The following PAPOLG variants were observed in gnomAD, a reference collection of about 807,000 sequenced individuals.
PAPOLG encodes PAP-gamma.
PAPOLG carries 40 observed loss-of-function variants against 99.0 expected under a neutral mutation model. That is an observed-to-expected ratio of 0.40 (90% CI 0.31 to 0.53). PAPOLG has a LOEUF of 0.53. Ranked by LOEUF, PAPOLG falls within the 20% of genes least tolerant of loss-of-function variation. The pLI is 0.41. For synonymous variants in PAPOLG, 310 were observed against 299.3 expected (o/e 1.04, Z -0.37); for missense variants, 675 against 884.1 (o/e 0.76, Z 3.00).
chr2:60,782,823 G>A (rs1486976171), intron 12 of PAPOLG, 53 bp downstream of exon 12: 1 of 1,508,076 alleles, frequency 6.6e-7, no homozygotes. Context: ...TTTTAAAGAA[G>A]AATGTTAAAC....
chr2:60,756,415 G>A lies in PAPOLG; in HGVS notation c.-64G>A, dbSNP rs1265932730. The A allele has an allele frequency of 1.2e-6, 2 of 1,611,362 alleles. No homozygotes were observed. Among genetic ancestry groups the A allele is most frequent in the South Asian group, 2.2e-5 (2 of 90,986 alleles). On this transcript the variant is annotated 5_prime_UTR_variant, in exon 1 of 22. Coordinates refer to ENST00000238714, the MANE Select transcript of PAPOLG (RefSeq NM_022894.4). ...CGGAGGAAAGTGAACAGGGGGAGAA[G>A]GGAACAGCAAGAACAGGACTCCAGA...
chr2:60,777,469 T>G (rs1052354971), intron 8 of PAPOLG, among the ~76,000 whole-genome samples: 6 of 152,132 alleles, frequency 3.9e-5, no homozygotes, highest in African/African-American at 1.4e-4. Flanking sequence ...AAAAAATTTT[T>G]TTTTTCTGTC....
At chr2:60,772,622 C>T (rs1670888902) in intron 7 of PAPOLG, among the ~76,000 whole-genome samples, 1 of 152,030 alleles carries the variant, frequency 6.6e-6, no homozygotes, top group African/African-American at 2.4e-5. Flanking sequence ...GTGGTGCTTA[C>T]CTGTAATCCC....
At chr2:60,770,622 CT>C (rs372540738) in intron 6 of PAPOLG, 111 bp downstream of exon 6, 73,006 of 476,526 alleles carry the variant, frequency 0.15, no homozygotes, top group South Asian at 0.23. Context: ...CAAGTAATCT[CT>C]TTTTTTTTTT....
At chr2:60,770,252 G>A (rs12104783) in intron 5 of PAPOLG, among the ~76,000 whole-genome samples, 33,633 of 152,118 alleles carry the variant, frequency 0.22, 4,153 homozygotes, top group African/African-American at 0.3. Context: ...TGTAAGACCA[G>A]AAACATTTTC....
At chr2:60,761,154 G>A (rs1670511852) in intron 2 of PAPOLG, among the ~76,000 whole-genome samples, 1 of 152,116 alleles carries the variant, frequency 6.6e-6, no homozygotes, top group South Asian at 2.1e-4. Context: ...CATTATTTGT[G>A]GAAGACTGAG....
rs1176441808 is a variant in PAPOLG, at chr2:60,771,548, A to T, written c.522A>T (p.Ile174=). 6.2e-7 allele frequency: 1 copy of T among 1,604,894 alleles called. No homozygotes were observed. The highest frequency in any genetic ancestry group is 8.5e-7 in the Non-Finnish European group (1 of 1,177,646). The change falls in exon 7 of 22, where the codon ATA becomes ATT. Residue 174 remains isoleucine, a synonymous_variant. Transcript: ENST00000238714. ...ATCTAGTCTTTGCAAGACTGGCAAT[A>T]CAAACCATATCAGATAATTTAGATC... ...EIDLVFARLA[I]QTISDNLDLR... is the part of the protein sequence containing the mutation.
chr2:60,768,760 A>G, intron 4 of PAPOLG, 21 bp from the exon 5 acceptor site: 1 of 1,515,394 alleles, frequency 6.6e-7, no homozygotes, highest in Non-Finnish European at 8.9e-7. Flanking sequence ...ATTCTTAATT[A>G]AGAACTACTT....
intron 13 of PAPOLG, among the ~76,000 whole-genome samples, chr2:60,785,397 A>G (rs1169065554): frequency 6.6e-6 from 1 of 152,222 alleles, no homozygotes; most frequent in Non-Finnish European, 1.5e-5. Flanking sequence ...TTGGCCTCCC[A>G]GAGTGCTGGG....
intron 21 of PAPOLG, 37 bp from the exon 22 acceptor site, chr2:60,797,025 T>G (rs376253949): frequency 1.1e-5 from 17 of 1,612,114 alleles, no homozygotes; most frequent in Non-Finnish European, 1.4e-5. Context: ...ATATATGATG[T>G]GCTTTTCCTT....
At chr2:60,778,149 TTTCATTTTATTTTTTTAGACAGG>T (rs1438154362) in intron 8 of PAPOLG, among the ~76,000 whole-genome samples, 1 of 151,988 alleles carries the variant, frequency 6.6e-6, no homozygotes, top group Non-Finnish European at 1.5e-5. Context: ...TTATATTTTA[TTTCATTTTATTTTTTTAGACAGG>T]GGCTTGCTGT....
At chr2:60,760,323 T>C (rs1670486372) in intron 2 of PAPOLG, 28 bp downstream of exon 2, 2 of 1,558,902 alleles carry the variant, frequency 1.3e-6, no homozygotes, top group Non-Finnish European at 1.8e-6. Flanking sequence ...ATAAAATATT[T>C]GACAGTGCAT....
At chr2:60,767,326 CT>C (rs1039755347) in intron 3 of PAPOLG, among the ~76,000 whole-genome samples, 338 of 149,912 alleles carry the variant, frequency 2.3e-3, no homozygotes, top group African/African-American at 7.7e-3. Context: ...TGAAAATTAG[CT>C]TTTTTTTCTT....
At position 60,799,416 on chromosome 2, in the gene PAPOLG, G is replaced by A. The variant is rs1393969656; in HGVS notation, c.*2256G>A. 1.3e-5 allele frequency: 2 copies of A among 152,330 alleles called. No individual in the cohort carries two copies. Among genetic ancestry groups the A allele is most frequent in the East Asian group, 1.9e-4 (1 of 5,330 alleles). The allele number at this position is 152,330 out of a possible 1,614,324, so 9.4% of individuals were successfully genotyped here. On this transcript the variant is annotated 3_prime_UTR_variant, in exon 22 of 22. Coordinates refer to ENST00000238714, the MANE Select transcript of PAPOLG (RefSeq NM_022894.4). ...CTTCAACCTGTTTGGTAACTGAGGA[G>A]TTGATAAAATACTTTTGAGATGGTG...
chr2:60,784,206 C>T lies in PAPOLG; in HGVS notation c.1166+997C>T, dbSNP rs559916882. On this transcript the variant is annotated intron_variant, in intron 13 of 21. Transcript: ENST00000238714. ...CAGGCTGGTCTTGAACTCCTCACCT[C>T]GTGATCCACCCGCCTTGGCCTCCCA... Among the ~76,000 whole-genome samples the T allele has an allele frequency of 2.6e-5, 4 of 152,284 alleles. No individual in the cohort carries two copies. In the East Asian group the frequency reaches 5.8e-4, roughly 22 times the overall value.
In PAPOLG at chr2:60,782,025, G is replaced by T. The variant is rs752615420; in HGVS notation, c.1027+20G>T. 8 of 1,610,328 alleles carry T rather than the reference G, an allele frequency of 5.0e-6. No homozygotes were observed. In the South Asian group the frequency reaches 7.7e-5, roughly 15 times the overall value. On this transcript the variant is annotated intron_variant, in intron 11 of 21. Transcript: ENST00000238714. ...AACAAGGTAAACATGTGGCCCTGTT[G>T]CCCTTTACATATTCCCACAAGTTTT...
In PAPOLG at chr2:60,797,278, A is replaced by G. The variant is rs1284688214; in HGVS notation, c.*118A>G. ...AAATAAGGTGAAAGTGACAGCCTTC[A>G]GTCTAATAACCTTGAAGTGGTTTTT... On this transcript the variant is annotated 3_prime_UTR_variant, in exon 22 of 22. Transcript: ENST00000238714. 5 of 1,299,726 alleles carry G rather than the reference A, an allele frequency of 3.8e-6. No individual in the cohort carries two copies. In the East Asian group the frequency reaches 7.3e-5, roughly 19 times the overall value. 80.5% of individuals were successfully genotyped at this position (1,299,726 alleles called of 1,614,324 possible). A position where few individuals can be genotyped will look rare whatever the true frequency, so the allele number is the denominator to read the frequency against.
intron 11 of PAPOLG, 82 bp from the exon 12 acceptor site, chr2:60,782,604 A>G: frequency 7.5e-7 from 1 of 1,338,502 alleles, no homozygotes; most frequent in Non-Finnish European, 9.6e-7. Flanking sequence ...GAGATTTTGT[A>G]GTAGTAGAGT....
rs1225097611 is a variant in PAPOLG, at chr2:60,792,146, C to T, written c.1536C>T (p.Val512=). The T allele has an allele frequency of 6.3e-7, 1 of 1,587,978 alleles. No individual in the cohort carries two copies. Among genetic ancestry groups the T allele is most frequent in the African/African-American group, 1.4e-5 (1 of 73,136 alleles). Residue 512 remains valine, a synonymous_variant, in exon 17 of 22, where the codon GTC becomes GTT. Coordinates refer to ENST00000238714, the MANE Select transcript of PAPOLG (RefSeq NM_022894.4). The part of the protein sequence containing the change: ...QKKKKQSLSD[V]NRSSGGLQSK... ...TCTTTCAGCAAAGTCTCTCTGATGT[C>T]AATCGAAGCTCGGGCGGACTTCAAT...
Sources: gnomAD v4.1 joint callset for allele counts (sites outside exome capture counted in the v4.1 genomes callset) on GRCh38, gnomAD v4.1.1 for gene constraint, MANE v1.5 for transcripts, NCBI Gene and HGNC (gene_info 2026-07-23, HGNC 2026-07-21) for gene names.